The following ABCC4 variants were observed in gnomAD, a reference collection of about 807,000 sequenced individuals.
The protein encoded by ABCC4 is ATP-binding cassette sub-family C member 4.
A neutral mutation model predicts 168.5 loss-of-function variants in ABCC4; 102 were observed. The observed-to-expected ratio is 0.61, with a 90% CI of 0.52 to 0.71. The LOEUF (loss-of-function observed/expected upper bound fraction) is 0.71. ABCC4 is among the 30% of genes least tolerant of loss of function. The pLI is 0.00. For missense variants in ABCC4, 1,402 were observed against 1,605.8 expected (o/e 0.87, Z 2.17); for synonymous variants, 617 against 590.7 (o/e 1.04, Z -0.65).
At chr13:95,110,074 C>T (rs578202736) in intron 20 of ABCC4, among the ~76,000 whole-genome samples, 8 of 152,004 alleles carry the variant, frequency 5.3e-5, no homozygotes, top group Non-Finnish European at 1.0e-4. Context: ...TTTTGGAGGC[C>T]GAGACGGGCA....
At chr13:95,162,436 T>C (rs1401952044) in intron 18 of ABCC4, among the ~76,000 whole-genome samples, 1 of 152,194 alleles carries the variant, frequency 6.6e-6, no homozygotes, top group East Asian at 1.9e-4. Flanking sequence ...GCTACATACA[T>C]TCTAAGCACT....
chr13:95,065,190 A>C (rs1264817367), intron 25 of ABCC4, among the ~76,000 whole-genome samples: 1 of 152,218 alleles, frequency 6.6e-6, no homozygotes, highest in Non-Finnish European at 1.5e-5. Context: ...AACTCCAAGC[A>C]CTAAAAATAT....
chr13:95,235,058 AT>A (rs4148458), intron 3 of ABCC4, among the ~76,000 whole-genome samples: 60 of 145,676 alleles, frequency 4.1e-4, no homozygotes, highest in Admixed American at 4.1e-4. Flanking sequence ...GTAGAGCTAA[AT>A]TTTTTTTTTT....
At chr13:95,079,329 A>G (rs2034012630) in intron 21 of ABCC4, among the ~76,000 whole-genome samples, 2 of 152,224 alleles carry the variant, frequency 1.3e-5, no homozygotes, top group Non-Finnish European at 2.9e-5. Context: ...TGAAAAGAAC[A>G]TGAAAAGGAA....
intron 1 of ABCC4, among the ~76,000 whole-genome samples, chr13:95,283,087 G>A (rs190730412): frequency 7.9e-5 from 12 of 151,544 alleles, no homozygotes; most frequent in East Asian, 2.0e-4. Flanking sequence ...GCGGTGGCAC[G>A]CACCTGTAGT....
chr13:95,186,154 G>A (rs1566503797), intron 11 of ABCC4, among the ~76,000 whole-genome samples: 1 of 151,990 alleles, frequency 6.6e-6, no homozygotes, highest in African/African-American at 2.4e-5. Flanking sequence ...AAATTCTGGT[G>A]ATTTTTTTTC....
chr13:95,036,004 A>G (rs2032104198), intron 29 of ABCC4, among the ~76,000 whole-genome samples: 1 of 152,204 alleles, frequency 6.6e-6, no homozygotes, highest in South Asian at 2.1e-4. Context: ...TGCTAAGGGC[A>G]GCTTTCTCAA....
At chr13:95,271,234 A>T (rs1006376683) in intron 1 of ABCC4, among the ~76,000 whole-genome samples, 10 of 152,238 alleles carry the variant, frequency 6.6e-5, no homozygotes, top group African/African-American at 2.2e-4. Flanking sequence ...AGTGCAGCTA[A>T]ATAATGAATA....
intron 13 of ABCC4, among the ~76,000 whole-genome samples, chr13:95,176,226 G>GGC (rs2037687704): frequency 4.4e-5 from 1 of 22,804 alleles, no homozygotes; most frequent in African/African-American, 2.7e-4. Context: ...CCGAGGGCAG[G>GGC]GGGGGGGGGG....
At chr13:95,187,249 A>G (rs1369784330) in intron 10 of ABCC4, among the ~76,000 whole-genome samples, 2 of 152,244 alleles carry the variant, frequency 1.3e-5, no homozygotes, top group East Asian at 3.8e-4. Context: ...TACTGAATGC[A>G]TTGTTCCTGC....
At chr13:95,219,425 G>T (rs2039249120) in intron 4 of ABCC4, among the ~76,000 whole-genome samples, 1 of 152,184 alleles carries the variant, frequency 6.6e-6, no homozygotes, top group Non-Finnish European at 1.5e-5. Flanking sequence ...ACATGGTCTA[G>T]GGTTAGGTCA....
intron 1 of ABCC4, among the ~76,000 whole-genome samples, chr13:95,293,490 G>A (rs901706270): frequency 6.6e-6 from 1 of 151,900 alleles, no homozygotes; most frequent in Non-Finnish European, 1.5e-5. Flanking sequence ...TTTTTGAGAT[G>A]GAGTCTCGCT....
chr13:95,233,214 G>C (rs1183704775), intron 4 of ABCC4, among the ~76,000 whole-genome samples: 1 of 151,058 alleles, frequency 6.6e-6, no homozygotes, highest in African/African-American at 2.4e-5. Flanking sequence ...TTATATAACT[G>C]TACACAATGT....
chr13:95,206,621 A>T lies in ABCC4; in HGVS notation c.1072T>A (p.Tyr358Asn). The change falls in exon 8 of 31, where the codon TAT becomes AAT. Residue 358 changes from tyrosine (Y) to asparagine (N), a missense_variant. Tyr to Asn is a moderately radical substitution (Grantham distance 143). This residue lies in a region of ABCC4 where 78 missense variants were observed against 133.0 expected (regional missense o/e 0.59). Transcript: ENST00000645237. ...GTAACCGTCAGCCGCACAGCCCCAT[A>T]CAGCGTCACTGCCACGAACACGCGG... ...ASRVFVAVTL[Y>N]GAVRLTVTLF... is the part of the protein sequence containing the mutation. The T allele has an allele frequency of 6.2e-7, 1 of 1,614,170 alleles. No homozygotes were observed. The highest frequency in any genetic ancestry group is 8.5e-7 in the Non-Finnish European group (1 of 1,180,038).
intron 23 of ABCC4, 82 bp from the exon 24 acceptor site, chr13:95,073,386 C>T: frequency 1.1e-6 from 1 of 920,886 alleles, no homozygotes; most frequent in Non-Finnish European, 1.7e-6. Flanking sequence ...CCAAGAGGAA[C>T]CCTTCATAAT....
chr13:95,103,112 A>G (rs951486650), intron 20 of ABCC4, among the ~76,000 whole-genome samples: 2 of 151,840 alleles, frequency 1.3e-5, no homozygotes, highest in African/African-American at 4.8e-5. Flanking sequence ...TAAAAATACA[A>G]AAATTAGCCT....
At chr13:95,183,095 G>T (rs1260798044) in intron 11 of ABCC4, among the ~76,000 whole-genome samples, 1 of 148,014 alleles carries the variant, frequency 6.8e-6, no homozygotes, top group Non-Finnish European at 1.5e-5. Context: ...TTTTTTTGCG[G>T]GGGAGGGTGG....
At chr13:95,093,084 C>G (rs568581763) in intron 20 of ABCC4, among the ~76,000 whole-genome samples, 2 of 152,060 alleles carry the variant, frequency 1.3e-5, no homozygotes, top group Non-Finnish European at 2.9e-5. Context: ...CAAGACCAGA[C>G]AGATTCACAG....
In ABCC4 at chr13:95,301,272, C is replaced by T; in HGVS notation, c.43G>A (p.Asp15Asn). The T allele has an allele frequency of 6.3e-7, 1 of 1,595,808 alleles. No homozygotes were observed. The highest frequency in any genetic ancestry group is 8.5e-7 in the Non-Finnish European group (1 of 1,171,796). ...YQEVKPNPLQ[D>N]ANLCSRVFFW... Reference sequence around the variant, plus strand: ...AACACGCGTGAGCAGAGGTTCGCGTCCTGCAGCGGGTTGGGCTTCACCTCC... The same window carrying T: ...AACACGCGTGAGCAGAGGTTCGCGTTCTGCAGCGGGTTGGGCTTCACCTCC... The change falls in exon 1 of 31, where the codon GAC (aspartate) becomes AAC (asparagine). Residue 15 changes from aspartate (D) to asparagine (N), a missense_variant. Asp to Asn is a conservative substitution (Grantham distance 23). Around this residue, in one of 3 missense-constraint regions of ABCC4, gnomAD observed 317 missense variants for 345.5 expected, o/e 0.92. Transcript: ENST00000645237.
Sources: gnomAD v4.1 joint callset for allele counts (sites outside exome capture counted in the v4.1 genomes callset) on GRCh38, gnomAD v4.1.1 for gene constraint, gnomAD v4.1.1 regional missense constraint, MANE v1.5 for transcripts, NCBI Gene and HGNC (gene_info 2026-07-23, HGNC 2026-07-21) for gene names.